Variants in CCDC171 observed in about 807,000 individuals in gnomAD.
CCDC171 encodes coiled-coil domain-containing protein 171.
CCDC171 carries 177 observed loss-of-function variants against 168.2 expected under a neutral mutation model. The ratio of observed to expected loss-of-function variants is 1.05; its 90% CI spans 0.93 to 1.19. The LOEUF is 1.19. Ranked by LOEUF, CCDC171 falls within the 50% of genes most tolerant of loss-of-function variation. The pLI is 0.00. For missense variants in CCDC171, 1,991 were observed against 1,539.0 expected (o/e 1.29, Z -4.91); for synonymous variants, 687 against 540.8 (o/e 1.27, Z -3.75).
At chr9:15,943,694 G>C (rs1827974845) in intron 25 of CCDC171, among the ~76,000 whole-genome samples, 2 of 151,880 alleles carry the variant, frequency 1.3e-5, no homozygotes, top group Admixed American at 1.3e-4. Context: ...AAATCTTTTA[G>C]AGCTCTTTCT....
chr9:15,578,444 T>G (rs986432495), intron 3 of CCDC171, among the ~76,000 whole-genome samples: 1 of 96,252 alleles, frequency 1.0e-5, no homozygotes, highest in South Asian at 3.6e-4. Flanking sequence ...TTATTATTAT[T>G]ATTATTATTG....
At chr9:15,927,746 C>G (rs1468826994) in intron 25 of CCDC171, among the ~76,000 whole-genome samples, 1 of 151,586 alleles carries the variant, frequency 6.6e-6, no homozygotes, top group Non-Finnish European at 1.5e-5. Flanking sequence ...GATCCTCTTT[C>G]TCTTAAGTTC....
chr9:15,569,071 C>G (rs1470270285), intron 2 of CCDC171, among the ~76,000 whole-genome samples: 3 of 152,216 alleles, frequency 2.0e-5, no homozygotes, highest in African/African-American at 7.2e-5. Context: ...TTATTTCTCT[C>G]TAGACTTTGG....
chr9:16,072,721 A>C, the CCDC171 span, among the ~76,000 whole-genome samples: 1 of 151,804 alleles, frequency 6.6e-6, no homozygotes, highest in East Asian at 1.9e-4. Flanking sequence ...TCTCACCTCT[A>C]TCTTGGTCCT....
downstream of CCDC171, among the ~76,000 whole-genome samples, chr9:16,064,244 GT>G (rs1195947121): frequency 1.3e-5 from 2 of 152,122 alleles, no homozygotes; most frequent in African/African-American, 4.8e-5. Flanking sequence ...CAGTGAGGCC[GT>G]TTTTTCCCCC....
chr9:15,982,073 A>C (rs1377507694), intron 3 of CCDC171, among the ~76,000 whole-genome samples: 4 of 152,194 alleles, frequency 2.6e-5, no homozygotes, highest in African/African-American at 4.8e-5. Flanking sequence ...ACTTCTTTTG[A>C]GAAGATTCTG....
intron 10 of CCDC171, among the ~76,000 whole-genome samples, chr9:15,681,837 T>C (rs887012340): frequency 1.3e-5 from 2 of 152,124 alleles, no homozygotes; most frequent in African/African-American, 4.8e-5. Context: ...CAGAATGACT[T>C]ATGAGGAAGA....
At chr9:15,976,209 C>CT (rs1320822817), downstream of CCDC171, among the ~76,000 whole-genome samples, 2 of 152,116 alleles carry the variant, frequency 1.3e-5, no homozygotes, top group Admixed American at 1.3e-4. Flanking sequence ...CCGAAGGAAA[C>CT]TAATACACCA....
intron 23 of CCDC171, among the ~76,000 whole-genome samples, chr9:15,856,413 A>G (rs921879723): frequency 6.6e-6 from 1 of 151,992 alleles, no homozygotes; most frequent in Non-Finnish European, 1.5e-5. Context: ...TAGATACGTC[A>G]TATAAGTGGA....
intron 24 of CCDC171, among the ~76,000 whole-genome samples, chr9:15,907,051 G>A (rs1050856551): frequency 6.6e-6 from 1 of 152,148 alleles, no homozygotes; most frequent in Non-Finnish European, 1.5e-5. Flanking sequence ...TGGGTAGGAA[G>A]AATCAATATC....
intron 24 of CCDC171, among the ~76,000 whole-genome samples, chr9:15,879,667 C>G (rs2794628): frequency 0.78 from 118,332 of 152,000 alleles, 46,800 homozygotes; most frequent in East Asian, 0.85. Context: ...ATTTTTGATG[C>G]CTGAGTTGTG....
At chr9:15,700,172 C>G (rs1340485451) in intron 11 of CCDC171, among the ~76,000 whole-genome samples, 1 of 152,230 alleles carries the variant, frequency 6.6e-6, no homozygotes, top group East Asian at 1.9e-4. Context: ...GCTGCAGGTG[C>G]TGAGCCCTGC....
chr9:15,680,771 A>G (rs1267329143), intron 10 of CCDC171, among the ~76,000 whole-genome samples: 4 of 152,184 alleles, frequency 2.6e-5, no homozygotes, highest in Non-Finnish European at 5.9e-5. Context: ...AGGAGGTTGA[A>G]TCAGTAGTGG....
At chr9:15,806,971 C>G (rs2059111713) in intron 21 of CCDC171, among the ~76,000 whole-genome samples, 2 of 152,174 alleles carry the variant, frequency 1.3e-5, no homozygotes, top group Non-Finnish European at 2.9e-5. Context: ...GAGAGCCAGT[C>G]TTCAAGTTCC....
At chr9:15,890,056 C>T (rs1323864291) in intron 24 of CCDC171, among the ~76,000 whole-genome samples, 1 of 152,184 alleles carries the variant, frequency 6.6e-6, no homozygotes, top group Non-Finnish European at 1.5e-5. Context: ...ATGGCCAGCT[C>T]TGTTGATCAT....
chr9:16,035,849 C>G (rs1649741828), intron 7 of CCDC171, among the ~76,000 whole-genome samples: 2 of 152,160 alleles, frequency 1.3e-5, no homozygotes, highest in South Asian at 2.1e-4. Context: ...CACATTTGAT[C>G]AGAGTTGAAA....
rs193015778 is a variant in CCDC171, at chr9:15,935,638, A to G, written c.3753+15216A>G. ...GTATACCAGTTATGTGAGTCTCACA[A>G]TGTGACTTGTAACTAGGTAGTCAAT... On this transcript the variant is annotated intron_variant, in intron 25 of 25. Coordinates refer to ENST00000380701, the MANE Select transcript of CCDC171 (RefSeq NM_173550.4). Among the ~76,000 whole-genome samples, 444 of 152,186 alleles carry G rather than the reference A, an allele frequency of 2.9e-3. 5 individuals are homozygous for G. The highest frequency in any genetic ancestry group is 0.01 in the African/African-American group (429 of 41,568).
At chr9:15,747,441 G>A (rs1415539855) in intron 18 of CCDC171, among the ~76,000 whole-genome samples, 4 of 152,166 alleles carry the variant, frequency 2.6e-5, no homozygotes, top group Admixed American at 2.0e-4. Flanking sequence ...CCTGACCCTC[G>A]TGTAGCCTGA....
intron 25 of CCDC171, among the ~76,000 whole-genome samples, chr9:15,937,512 C>T (rs530834344): frequency 5.9e-5 from 9 of 151,798 alleles, no homozygotes; most frequent in Non-Finnish European, 1.3e-4. Flanking sequence ...GTAAGGAGTT[C>T]CAATTCCATT....
Sources: allele counts gnomAD v4.1 joint callset (sites outside exome capture counted in the v4.1 genomes callset), GRCh38; gene constraint gnomAD v4.1.1; transcripts MANE v1.5; gene names NCBI Gene and HGNC (gene_info 2026-07-23, HGNC 2026-07-21).